Variants in TSNARE1 observed in about 807,000 individuals in gnomAD.
TSNARE1 encodes the protein t-SNARE domain-containing protein 1.
A neutral mutation model predicts 62.0 loss-of-function variants in TSNARE1; 49 were observed. That is an observed-to-expected ratio of 0.79 (90% CI 0.63 to 1.00). The LOEUF (loss-of-function observed/expected upper bound fraction) is 1.00. Among genes scored for constraint, TSNARE1 ranks in the 50% least tolerant of loss-of-function variants. The pLI is 0.00. For missense variants in TSNARE1, 755 were observed against 700.1 expected (o/e 1.08, Z -0.88); for synonymous variants, 328 against 294.4 (o/e 1.11, Z -1.17).
At chr8:142,284,731 C>T (rs1005363271) in intron 10 of TSNARE1, among the ~76,000 whole-genome samples, 1 of 152,214 alleles carries the variant, frequency 6.6e-6, no homozygotes, top group African/African-American at 2.4e-5. Flanking sequence ...GATCTGAGTG[C>T]TCCATCTCCT....
intron 1 of TSNARE1, among the ~76,000 whole-genome samples, chr8:142,367,740 T>A (rs1835658777): frequency 6.6e-6 from 1 of 152,088 alleles, no homozygotes; most frequent in Non-Finnish European, 1.5e-5. Flanking sequence ...CAACTGTGCA[T>A]GAAAATATAA....
intron 11 of TSNARE1, among the ~76,000 whole-genome samples, chr8:142,283,611 G>A (rs1396945543): frequency 7.2e-6 from 1 of 139,564 alleles, no homozygotes; most frequent in African/African-American, 2.9e-5. Flanking sequence ...GTCTGTCAAC[G>A]AGCAGAGGCA....
At position 142,224,479 on chromosome 8, in the gene TSNARE1, A is replaced by G. The variant is rs78714414; in HGVS notation, c.*11+4994T>C. On this transcript the variant is annotated intron_variant, in intron 13 of 13. Transcript: ENST00000524325. ...CCCCTGATGCCAGACAAGCCTTCAC[A>G]TTAGTTGTGAATTGGGTCCTGGGAC... Among the ~76,000 whole-genome samples the G allele has an allele frequency of 5.3e-4, 81 of 152,150 alleles. No individual in the cohort carries two copies. In the East Asian group the frequency reaches 0.012, roughly 22 times the overall value.
At chr8:142,256,539 T>C (rs1042867306) in intron 12 of TSNARE1, among the ~76,000 whole-genome samples, 3 of 41,568 alleles carry the variant, frequency 7.2e-5, no homozygotes, top group African/African-American at 9.8e-5. Context: ...ACCATCACCA[T>C]CACCACCATC....
At chr8:142,313,787 TTTTTGA>T (rs1221317218) in intron 9 of TSNARE1, among the ~76,000 whole-genome samples, 2 of 152,212 alleles carry the variant, frequency 1.3e-5, no homozygotes, top group African/African-American at 2.4e-5. Context: ...TTTGTTTTTG[TTTTTGA>T]GACAGAATCT....
At position 142,263,094 on chromosome 8, in the gene TSNARE1, TTC is replaced by T. The variant is rs150788273; in HGVS notation, c.1446+11685_1446+11686del. ...CTGAGCCCAGCTAGCACCCTCGACT[TTC>T]TCTGTTTTTAAAGGAGGGCTCCTCA... On this transcript the variant is annotated intron_variant, in intron 12 of 13. Coordinates refer to ENST00000524325, the MANE Select transcript of TSNARE1 (RefSeq NM_145003.5). Among the ~76,000 whole-genome samples, 325 of 152,300 alleles carry T rather than the reference TTC, an allele frequency of 2.1e-3. 1 individual carries two copies. Among genetic ancestry groups the T allele is most frequent in the African/African-American group, 7.6e-3 (315 of 41,572 alleles).
chr8:142,247,149 A>G, intron 12 of TSNARE1, among the ~76,000 whole-genome samples: 1 of 152,052 alleles, frequency 6.6e-6, no homozygotes, highest in East Asian at 1.9e-4. Context: ...GGAGCAGCAG[A>G]TGGGTGCCCA....
intron 10 of TSNARE1, chr8:142,300,254 G>A (rs1825487872): frequency 2.0e-6 from 1 of 491,606 alleles, no homozygotes; most frequent in Admixed American, 3.5e-5. Flanking sequence ...GCCCTATTAG[G>A]GAAACCCAGG....
At position 142,301,213 on chromosome 8, in the gene TSNARE1, G is replaced by A. The variant is rs58992978; in HGVS notation, c.1132-569C>T. On this transcript the variant is annotated intron_variant, in intron 9 of 13. Transcript: ENST00000524325. Reference sequence around the variant, plus strand: ...TTCCTTCCCCTCCCGTCAGGAGCCCGGCCACAGTGCCCCCCACCTGCCCTG... The same window carrying A: ...TTCCTTCCCCTCCCGTCAGGAGCCCAGCCACAGTGCCCCCCACCTGCCCTG... 3.8e-3 allele frequency among the ~76,000 whole-genome samples: 431 copies of A among 113,662 alleles called. 7 individuals carry two copies. In the South Asian group the frequency reaches 0.058, roughly 15 times the overall value. The allele number at this position is 113,662 out of a possible 152,430, so 74.6% of individuals were successfully genotyped here. A position where few individuals can be genotyped will look rare whatever the true frequency, so the allele number is the denominator to read the frequency against.
At chr8:142,251,985 A>G (rs374066449) in intron 12 of TSNARE1, among the ~76,000 whole-genome samples, 2 of 129,962 alleles carry the variant, frequency 1.5e-5, no homozygotes, top group East Asian at 2.4e-4. Flanking sequence ...CCCGGGCACC[A>G]TGTACCCGCC....
At chr8:142,238,757 A>ACCCCTGCACACCCG (rs1817556356) in intron 12 of TSNARE1, among the ~76,000 whole-genome samples, 3 of 82,862 alleles carry the variant, frequency 3.6e-5, no homozygotes, top group African/African-American at 9.6e-5. Flanking sequence ...CTGCACGCCC[A>ACCCCTGCACACCCG]CCCCTGCACG....
chr8:142,277,345 G>A, intron 11 of TSNARE1: 1 of 985,372 alleles, frequency 1.0e-6, no homozygotes, highest in Non-Finnish European at 1.2e-6. Flanking sequence ...CACCTCAAAG[G>A]AAACTGCCTG....
Position 142,344,336 on chromosome 8 carries a change from C to A in TSNARE1, c.375G>T (p.Lys125Asn), listed in dbSNP as rs1387412589. ...GPSTTRAKKR[K>N]PNFCPQETEV... ...CGGTCTCCTGCGGGCAGAAGTTGGG[C>A]TTCCTCTTCTTGGCCCGGGTAGTGC... Residue 125 changes from lysine (K) to asparagine (N), a missense_variant, in exon 4 of 14, where the codon AAG becomes AAT. Transcript: ENST00000524325. 10 of 1,582,126 alleles carry A rather than the reference C, an allele frequency of 6.3e-6. No homozygotes were observed. The African/African-American group carries it at 1.1e-4, about 17-fold the overall frequency.
At chr8:142,268,100 A>AC (rs959938109) in intron 12 of TSNARE1, among the ~76,000 whole-genome samples, 2 of 152,092 alleles carry the variant, frequency 1.3e-5, no homozygotes, top group Non-Finnish European at 2.9e-5. Flanking sequence ...TCATCCAGAA[A>AC]CACCCTTGCC....
chr8:142,384,046 T>G (rs1481608165), intron 1 of TSNARE1, among the ~76,000 whole-genome samples: 1 of 152,170 alleles, frequency 6.6e-6, no homozygotes, highest in Non-Finnish European at 1.5e-5. Context: ...TCCCTGAGCA[T>G]GGCCACTGAC....
At chr8:142,224,963 C>G (rs1294168430) in intron 13 of TSNARE1, among the ~76,000 whole-genome samples, 2 of 152,118 alleles carry the variant, frequency 1.3e-5, no homozygotes, top group Non-Finnish European at 2.9e-5. Context: ...AATCCCTTCC[C>G]CACCTGAGCC....
chr8:142,263,130 C>G (rs1033804228), intron 12 of TSNARE1, among the ~76,000 whole-genome samples: 1 of 152,158 alleles, frequency 6.6e-6, no homozygotes, highest in Non-Finnish European at 1.5e-5. Flanking sequence ...CATATCTCAC[C>G]GTGAATGTTC....
chr8:142,307,031 C>G (rs1300320903), intron 9 of TSNARE1, among the ~76,000 whole-genome samples: 1 of 152,202 alleles, frequency 6.6e-6, no homozygotes, highest in African/African-American at 2.4e-5. Flanking sequence ...GGGCCTGGTT[C>G]TGAATACTAC....
intron 1 of TSNARE1, among the ~76,000 whole-genome samples, chr8:142,392,199 T>C (rs1430454768): frequency 6.6e-6 from 1 of 152,114 alleles, no homozygotes; most frequent in Non-Finnish European, 1.5e-5. Flanking sequence ...AATTTTTGCA[T>C]TTGTAGTACA....
Sources: allele counts gnomAD v4.1 joint callset (sites outside exome capture counted in the v4.1 genomes callset), GRCh38; gene constraint gnomAD v4.1.1; transcripts MANE v1.5; gene names NCBI Gene and HGNC (gene_info 2026-07-23, HGNC 2026-07-21).